Variants in ALMS1 observed in about 807,000 individuals in gnomAD.
ALMS1 encodes the protein centrosome-associated protein ALMS1.
A neutral mutation model predicts 352.2 loss-of-function variants in ALMS1; 271 were observed. That is an observed-to-expected ratio of 0.77 (90% CI 0.70 to 0.85). ALMS1 has a LOEUF of 0.85. ALMS1 is among the 40% of genes least tolerant of loss of function. The probability of loss-of-function intolerance (pLI) is 0.00; values close to 1 mark genes in which losing one functional copy is unlikely to be tolerated. For missense variants in ALMS1, 5,445 were observed against 4,870.7 expected, an observed-to-expected ratio of 1.12 and a Z score of -3.51; for synonymous variants, 1,865 against 1,761.2, an observed-to-expected ratio of 1.06 and a Z score of -1.48.
At chr2:73,415,391 G>T (rs968566544) in intron 2 of ALMS1, among the ~76,000 whole-genome samples, 1 of 152,152 alleles carries the variant, frequency 6.6e-6, no homozygotes, top group African/African-American at 2.4e-5. Flanking sequence ...GAAAGTGGGA[G>T]AATCACATAG....
chr2:73,605,302 C>T (rs1243262798), intron 21 of ALMS1, among the ~76,000 whole-genome samples: 5 of 152,156 alleles, frequency 3.3e-5, no homozygotes, highest in Admixed American at 1.3e-4. Context: ...ACCTTTCTGA[C>T]GAGATAAGCG....
chr2:73,538,430 A>G (rs1674080082), intron 12 of ALMS1, among the ~76,000 whole-genome samples: 1 of 152,194 alleles, frequency 6.6e-6, no homozygotes, highest in Non-Finnish European at 1.5e-5. Flanking sequence ...GAATAGGAAG[A>G]GCTCCAGTCT....
chr2:73,399,325 A>G (rs1329810959), intron 1 of ALMS1, among the ~76,000 whole-genome samples: 1 of 152,138 alleles, frequency 6.6e-6, no homozygotes, highest in Non-Finnish European at 1.5e-5. Context: ...TGTTGCTATG[A>G]AGAAACACCT....
rs759815997 is a variant in ALMS1 at position 73,600,802 on chromosome 2, A to G, written c.11793A>G (p.Glu3931=). 1.2e-6 allele frequency: 2 copies of G among 1,614,260 alleles called. No homozygotes were observed. Among genetic ancestry groups the G allele is most frequent in the South Asian group, 1.1e-5 (1 of 91,088 alleles). The change falls in exon 18 of 23, where the codon GAA becomes GAG. Residue 3931 remains glutamate, a synonymous_variant. Transcript: ENST00000613296. ...GTGATGTGACTTCTTGGTCAGAAGA[A>G]AAACGTGAAGAGAAAATGCTCTTTA... The part of the protein sequence containing the change: ...ENSDVTSWSE[E]KREEKMLFTG...
intron 1 of ALMS1, among the ~76,000 whole-genome samples, chr2:73,399,888 A>C (rs1465513563): frequency 2.0e-5 from 3 of 149,488 alleles, no homozygotes; most frequent in African/African-American, 7.4e-5. Context: ...TTATATGATC[A>C]TGTGGTTTTT....
chr2:73,607,249 C>T (rs996966126), intron 21 of ALMS1, among the ~76,000 whole-genome samples: 1 of 152,144 alleles, frequency 6.6e-6, no homozygotes, highest in Non-Finnish European at 1.5e-5. Flanking sequence ...TTTCCTATGA[C>T]ACTAAAAATT....
At chr2:73,429,053 C>T (rs1290095684) in intron 6 of ALMS1, among the ~76,000 whole-genome samples, 10 of 152,186 alleles carry the variant, frequency 6.6e-5, no homozygotes, top group East Asian at 1.9e-4. Context: ...CAAATGACTT[C>T]GGAGGATCAC....
At chr2:73,568,975 G>C (rs1325559733) in intron 15 of ALMS1, among the ~76,000 whole-genome samples, 1 of 117,174 alleles carries the variant, frequency 8.5e-6, no homozygotes, top group African/African-American at 3.2e-5. Flanking sequence ...AATTCAGCTT[G>C]CTTGCTGCTG....
At position 73,572,543 on chromosome 2, in the gene ALMS1, A is replaced by G; in HGVS notation, c.10666A>G (p.Asn3556Asp). The G allele has an allele frequency of 6.2e-7, 1 of 1,613,808 alleles. No homozygotes were observed. The highest frequency in any genetic ancestry group is 8.5e-7 in the Non-Finnish European group (1 of 1,179,962). ...CCTCAGCATCAATGTGAATTTGGGA[A>G]ACAAAGAAGTGATGGATACTACTAA... Reference protein sequence around the residue: ...KSLSINVNLGNKEVMDTTKSQ... With the variant: ...KSLSINVNLGDKEVMDTTKSQ... The change falls in exon 16 of 23, where the codon AAC becomes GAC. Residue 3556 changes from asparagine to aspartate, a missense_variant. Asn to Asp is a conservative substitution (Grantham distance 23, BLOSUM62 1). Transcript: ENST00000613296.
chr2:73,515,035 C>T (rs1673527298), intron 10 of ALMS1, among the ~76,000 whole-genome samples: 1 of 152,142 alleles, frequency 6.6e-6, no homozygotes, highest in Non-Finnish European at 1.5e-5. Context: ...ATTGTTTCTG[C>T]ACTCTTCCCT....
rs763324131 is a variant in ALMS1, at chr2:73,451,451, G to A, written c.4924G>A (p.Val1642Met). The part of the protein sequence containing the change: ...LLDSPLNKEV[V>M]KVSAAPGPAD... Reference sequence around the variant, plus strand: ...AGACAGTCCTCTAAATAAAGAGGTTGTGAAAGTTTCAGCTGCTCCTGGACC... The same window carrying A: ...AGACAGTCCTCTAAATAAAGAGGTTATGAAAGTTTCAGCTGCTCCTGGACC... The change falls in exon 8 of 23, where the codon GTG becomes ATG. Residue 1642 changes from valine (V) to methionine (M), a missense_variant. Transcript: ENST00000613296. The A allele has an allele frequency of 3.0e-5, 48 of 1,612,082 alleles. No individual in the cohort carries two copies. Among genetic ancestry groups the A allele is most frequent in the Non-Finnish European group, 4.0e-5 (47 of 1,179,384 alleles).
chr2:73,423,077 A>T lies in ALMS1; in HGVS notation c.764+103A>T, dbSNP rs547002668. ...GGTGGGACTTTGAGGTGGGGCTTAG[A>T]TACTCTTAGGACACGCCCTGAAGGT... On this transcript the variant is annotated intron_variant, in intron 4 of 22. Coordinates refer to ENST00000613296, the MANE Select transcript of ALMS1 (RefSeq NM_001378454.1). 6.7e-4 allele frequency: 685 copies of T among 1,019,170 alleles called. 1 individual carries two copies. Among genetic ancestry groups the T allele is most frequent in the Non-Finnish European group, 8.5e-4 (547 of 645,844 alleles). 63.1% of individuals were successfully genotyped at this position (1,019,170 alleles called of 1,614,324 possible). A position where few individuals can be genotyped will look rare whatever the true frequency, so the allele number is the denominator to read the frequency against.
At chr2:73,608,363 A>G (rs1418846529) in intron 21 of ALMS1, 112 bp from the exon 22 acceptor site, 2 of 858,092 alleles carry the variant, frequency 2.3e-6, no homozygotes, top group East Asian at 2.5e-5. Flanking sequence ...TCTGAGAGGG[A>G]TGAGCTCCTG....
chr2:73,485,026 T>C (rs1292324283), intron 9 of ALMS1, among the ~76,000 whole-genome samples: 3 of 152,206 alleles, frequency 2.0e-5, no homozygotes, highest in Non-Finnish European at 4.4e-5. Context: ...TTGAATGTCC[T>C]CCCGTAGCTC....
intron 21 of ALMS1, among the ~76,000 whole-genome samples, chr2:73,605,049 C>T (rs958429643): frequency 1.3e-5 from 2 of 152,196 alleles, no homozygotes; most frequent in African/African-American, 4.8e-5. Context: ...GTGTCGTGAG[C>T]TGAACCAGCT....
chr2:73,424,404 A>G (rs771336170), intron 4 of ALMS1, 26 bp from the exon 5 acceptor site: 1 of 1,361,966 alleles, frequency 7.3e-7, no homozygotes, highest in East Asian at 2.6e-5. Flanking sequence ...TTATTTATTT[A>G]TTTATTTTTA....
At chr2:73,547,788 C>T (rs183309395) in intron 12 of ALMS1, among the ~76,000 whole-genome samples, 12 of 152,210 alleles carry the variant, frequency 7.9e-5, no homozygotes, top group Admixed American at 5.2e-4. Context: ...AGAGCCATGG[C>T]GGGGCGGGTT....
Position 73,491,079 on chromosome 2 carries a change from T to G in ALMS1, c.9120T>G (p.Asn3040Lys). Reference sequence around the variant, plus strand: ...CATCTGCATCTACTCCTCCTTCAAATAGAAAAGCACTTTCTTGTGTTCATA... The same window carrying G: ...CATCTGCATCTACTCCTCCTTCAAAGAGAAAAGCACTTTCTTGTGTTCATA... ...LAASASTPPS[N>K]RKALSCVHIT... Residue 3040 changes from asparagine to lysine, a missense_variant, in exon 10 of 23, where the codon AAT becomes AAG. Coordinates refer to ENST00000613296, the MANE Select transcript of ALMS1 (RefSeq NM_001378454.1). 4 of 1,614,218 alleles carry G rather than the reference T, an allele frequency of 2.5e-6. No homozygotes were observed. Among genetic ancestry groups the G allele is most frequent in the South Asian group, 1.1e-5 (1 of 91,082 alleles).
At position 73,490,418 on chromosome 2, in the gene ALMS1, G is replaced by A; in HGVS notation, c.8459G>A (p.Ser2820Asn). 8.1e-6 allele frequency: 13 copies of A among 1,614,152 alleles called. No individual in the cohort carries two copies. The highest frequency in any genetic ancestry group is 1.1e-5 in the Non-Finnish European group (13 of 1,180,028). The change falls in exon 10 of 23, where the codon AGT becomes AAT. Residue 2820 changes from serine (S) to asparagine (N), a missense_variant. Physicochemically the swap from Ser to Asn is conservative, Grantham distance 46 (BLOSUM62 1). Coordinates refer to ENST00000613296, the MANE Select transcript of ALMS1 (RefSeq NM_001378454.1). ...TTAGAAAGATCAGATTTTACAGGCAGTCATTCTGAGCCCAGTACCAGGGCA... is the reference window on the plus strand; with the variant it reads ...TTAGAAAGATCAGATTTTACAGGCAATCATTCTGAGCCCAGTACCAGGGCA... ...KPLERSDFTG[S>N]HSEPSTRANC...
Sources: allele counts gnomAD v4.1 joint callset (sites outside exome capture counted in the v4.1 genomes callset), GRCh38; gene constraint gnomAD v4.1.1; transcripts MANE v1.5; gene names NCBI Gene and HGNC (gene_info 2026-07-23, HGNC 2026-07-21).